The following CCDC91 variants were observed in gnomAD, a reference collection of about 807,000 sequenced individuals.
CCDC91 encodes the protein coiled-coil domain containing 91, also known as coiled-coil domain-containing protein 91.
In CCDC91, 48 loss-of-function variants were observed where a neutral mutation model predicts 63.2. The observed-to-expected ratio is 0.76, with a 90% CI of 0.60 to 0.97. The LOEUF is 0.97. Among genes scored for constraint, CCDC91 ranks in the 50% least tolerant of loss-of-function variants. CCDC91 has a pLI of 0.00. For missense variants in CCDC91, 500 were observed against 494.6 expected (o/e 1.01, Z -0.10); for synonymous variants, 167 against 165.8 (o/e 1.01, Z -0.06).
chr12:28,546,477 A>G (rs1942995616), intron 12 of CCDC91, among the ~76,000 whole-genome samples: 2 of 152,052 alleles, frequency 1.3e-5, no homozygotes, highest in Admixed American at 1.3e-4. Context: ...TGGAGAGCCT[A>G]AAGACAGGTT....
chr12:28,523,024 G>A lies in CCDC91; in HGVS notation c.1216-26039G>A, dbSNP rs149854089. ...TGGTCAGTTTTTGAATAAGTGTGAT[G>A]TGTTGCTGAGAAGAATGTATATTCT... On this transcript the variant is annotated intron_variant, in intron 12 of 12. Coordinates refer to ENST00000536442, the MANE Select transcript of CCDC91 (RefSeq NM_018318.5). Among the ~76,000 whole-genome samples, 1,136 of 152,316 alleles carry A rather than the reference G, an allele frequency of 7.5e-3. 3 individuals are homozygous for A. Among genetic ancestry groups the A allele is most frequent in the Non-Finnish European group, 0.013 (851 of 68,020 alleles).
chr12:28,503,554 T>A (rs150260458), intron 12 of CCDC91, among the ~76,000 whole-genome samples: 118,803 of 151,876 alleles, frequency 0.78, 47,271 homozygotes, highest in African/African-American at 0.89. Flanking sequence ...AGAACTAGAA[T>A]TACCATTTGA....
At chr12:28,341,835 T>G (rs1339349732) in intron 6 of CCDC91, among the ~76,000 whole-genome samples, 1 of 152,196 alleles carries the variant, frequency 6.6e-6, no homozygotes, top group East Asian at 1.9e-4. Context: ...AAGGCAACAG[T>G]AGTTAACTGT....
intron 6 of CCDC91, among the ~76,000 whole-genome samples, chr12:28,313,061 T>C (rs1358072117): frequency 6.6e-6 from 1 of 152,040 alleles, no homozygotes; most frequent in African/African-American, 2.4e-5. Context: ...TTTAGATAAT[T>C]GAATCTTATT....
intron 3 of CCDC91, among the ~76,000 whole-genome samples, chr12:28,304,289 A>G (rs1367325280): frequency 1.4e-5 from 2 of 145,808 alleles, no homozygotes; most frequent in Non-Finnish European, 3.0e-5. Flanking sequence ...AGGCAGGAGA[A>G]TTGCTTGAAC....
chr12:28,548,351 C>T (rs2141897955), intron 12 of CCDC91, among the ~76,000 whole-genome samples: 1 of 152,188 alleles, frequency 6.6e-6, no homozygotes, highest in Non-Finnish European at 1.5e-5. Context: ...CTCACTGCAA[C>T]CTCTGTCTCC....
At chr12:28,218,492 G>A (rs1197142004) in intron 1 of CCDC91, among the ~76,000 whole-genome samples, 1 of 151,662 alleles carries the variant, frequency 6.6e-6, no homozygotes, top group African/African-American at 2.4e-5. Flanking sequence ...TATTAAGTAT[G>A]TAATTTGATG....
chr12:28,540,252 T>TA (rs1942531034), intron 12 of CCDC91, among the ~76,000 whole-genome samples: 1 of 152,150 alleles, frequency 6.6e-6, no homozygotes, highest in Non-Finnish European at 1.5e-5. Context: ...AGGCAAGGAT[T>TA]TTTTATATGA....
At chr12:28,423,129 G>A (rs577490510) in intron 8 of CCDC91, among the ~76,000 whole-genome samples, 5 of 151,880 alleles carry the variant, frequency 3.3e-5, no homozygotes, top group Admixed American at 6.6e-5. Flanking sequence ...TGTGACCAAG[G>A]GACATGCAAA....
chr12:28,457,447 G>A (rs1194589451), intron 11 of CCDC91, among the ~76,000 whole-genome samples: 1 of 149,488 alleles, frequency 6.7e-6, no homozygotes, highest in African/African-American at 2.5e-5. Flanking sequence ...TGTCTACTAA[G>A]TCACAGTAGA....
intron 6 of CCDC91, among the ~76,000 whole-genome samples, chr12:28,358,504 T>G (rs1267100594): frequency 1.3e-5 from 2 of 152,236 alleles, no homozygotes; most frequent in Non-Finnish European, 2.9e-5. Context: ...TTAAGTTACC[T>G]ATATTCAGTG....
intron 3 of CCDC91, among the ~76,000 whole-genome samples, chr12:28,285,838 C>T (rs1362957708): frequency 6.6e-6 from 1 of 151,834 alleles, no homozygotes; most frequent in Non-Finnish European, 1.5e-5. Flanking sequence ...GGAGACTTTG[C>T]ATATCTATGT....
Position 28,291,693 on chromosome 12 carries a change from T to C in CCDC91, c.110-13956T>C, listed in dbSNP as rs375270320. Among the ~76,000 whole-genome samples the C allele has an allele frequency of 1.4e-4, 21 of 152,322 alleles. 1 individual carries two copies. The highest frequency in any genetic ancestry group is 5.1e-4 in the African/African-American group (21 of 41,572). On this transcript the variant is annotated intron_variant, in intron 3 of 12. Transcript: ENST00000536442. ...CACAATCTGATTGAGAAATGATTCA[T>C]TGTTGTTGCATAGAATAAGAGAAGA... is the stretch of plus-strand genomic sequence containing the variant.
At chr12:28,405,374 C>T (rs977717937) in intron 8 of CCDC91, among the ~76,000 whole-genome samples, 2 of 152,076 alleles carry the variant, frequency 1.3e-5, no homozygotes, top group African/African-American at 4.8e-5. Flanking sequence ...AGTATACATA[C>T]TCATATATAT....
At chr12:28,513,772 G>A (rs1939633145) in intron 12 of CCDC91, among the ~76,000 whole-genome samples, 1 of 151,816 alleles carries the variant, frequency 6.6e-6, no homozygotes, top group African/African-American at 2.4e-5. Context: ...CTCCATTCAT[G>A]TTCCTCCAAA....
At chr12:28,260,018 TCAA>T (rs1460397601) in intron 3 of CCDC91, among the ~76,000 whole-genome samples, 1 of 151,972 alleles carries the variant, frequency 6.6e-6, no homozygotes, top group Admixed American at 6.6e-5. Context: ...AGTATTTTCT[TCAA>T]CAGCTCTGCC....
chr12:28,441,566 AT>A (rs553983785), intron 8 of CCDC91, among the ~76,000 whole-genome samples: 128 of 151,482 alleles, frequency 8.4e-4, no homozygotes, highest in Admixed American at 3.0e-3. Flanking sequence ...AGTATTACAG[AT>A]TTTTTGGCAG....
rs79209401 is a variant in CCDC91, at chr12:28,341,017, G to A, written c.577-21421G>A. Reference sequence around the variant, plus strand: ...GAAGGTTGTTTTCCCCTGGAGTTGGGTTGCTCAGTGATGCGGGCTTTCTTC... The same window carrying A: ...GAAGGTTGTTTTCCCCTGGAGTTGGATTGCTCAGTGATGCGGGCTTTCTTC... On this transcript the variant is annotated intron_variant, in intron 6 of 12. Transcript: ENST00000536442. Among the ~76,000 whole-genome samples, 17 of 152,252 alleles carry A rather than the reference G, an allele frequency of 1.1e-4. No homozygotes were observed. In the East Asian group the frequency reaches 2.5e-3, roughly 23 times the overall value.
intron 11 of CCDC91, among the ~76,000 whole-genome samples, chr12:28,474,227 T>C (rs1434943578): frequency 1.3e-5 from 2 of 152,144 alleles, no homozygotes; most frequent in Non-Finnish European, 2.9e-5. Context: ...AAGTCGTTTT[T>C]TCTTGTTTTG....
Sources: allele counts gnomAD v4.1 joint callset (sites outside exome capture counted in the v4.1 genomes callset), GRCh38; gene constraint gnomAD v4.1.1; transcripts MANE v1.5; gene names NCBI Gene and HGNC (gene_info 2026-07-23, HGNC 2026-07-21).